COL23A1: variants seen among roughly 807,000 people sequenced by gnomAD.
The protein encoded by COL23A1 is collagen alpha-1(XXIII) chain.
In COL23A1, 97 loss-of-function variants were observed where a neutral mutation model predicts 99.3. The ratio of observed to expected loss-of-function variants is 0.98; its 90% confidence interval spans 0.83 to 1.16. The LOEUF (loss-of-function observed/expected upper bound fraction) is 1.16, where lower values mean the gene tolerates loss of function less well. Among genes scored for constraint, COL23A1 ranks in the 50% most tolerant of loss-of-function variants. The pLI is 0.00. For synonymous variants in COL23A1, 320 were observed against 308.2 expected (o/e 1.04, Z -0.40); for missense variants, 762 against 757.4 (o/e 1.01, Z -0.07).
rs540167081 is a variant in COL23A1 at position 178,556,039 on chromosome 5, C to G, written c.361+4643G>C. Among the ~76,000 whole-genome samples the G allele has an allele frequency of 2.3e-4, 35 of 152,224 alleles. 1 individual carries two copies. The highest frequency in any genetic ancestry group is 2.8e-4 in the Non-Finnish European group (19 of 68,036). On this transcript the variant is annotated intron_variant, in intron 2 of 28. Coordinates refer to ENST00000390654, the MANE Select transcript of COL23A1 (RefSeq NM_173465.4). ...AACAGGCTACACAGCAGGCCTTCTT[C>G]CCTCCATCACAGCACACACGCAGCC...
chr5:178,267,295 C>T lies in COL23A1; in HGVS notation c.522+12G>A, dbSNP rs1200428970. 2 of 1,614,018 alleles carry T rather than the reference C, an allele frequency of 1.2e-6. No individual in the cohort carries two copies. The highest frequency in any genetic ancestry group is 4.5e-5 in the East Asian group (2 of 44,876). On this transcript the variant is annotated intron_variant, in intron 8 of 28. Transcript: ENST00000390654. ...CATGTGGGCAGTGAGGGAGGTCATG[C>T]CTGGTTCTTACCCGGGGGCCAAAGT... is the stretch of plus-strand genomic sequence containing the variant.
At chr5:178,522,383 T>C (rs1759995807) in intron 2 of COL23A1, among the ~76,000 whole-genome samples, 1 of 152,122 alleles carries the variant, frequency 6.6e-6, no homozygotes, top group Non-Finnish European at 1.5e-5. Flanking sequence ...TGAGTCCCAG[T>C]CCGCACAGAC....
intron 2 of COL23A1, among the ~76,000 whole-genome samples, chr5:178,547,433 A>G (rs1313912017): frequency 6.6e-6 from 1 of 151,022 alleles, no homozygotes. Context: ...TCCTTCAAAT[A>G]AATCTCTTTA....
intron 2 of COL23A1, among the ~76,000 whole-genome samples, chr5:178,477,864 C>T (rs1226318232): frequency 2.6e-5 from 4 of 152,164 alleles, no homozygotes; most frequent in Admixed American, 6.5e-5. Context: ...CTGATGCTTG[C>T]GAGAGCCGTA....
chr5:178,433,221 A>G (rs1581382430), intron 2 of COL23A1, among the ~76,000 whole-genome samples: 1 of 151,900 alleles, frequency 6.6e-6, no homozygotes, highest in Middle Eastern at 3.4e-3. Flanking sequence ...ACCAACTGCC[A>G]ATAAATCAGG....
At chr5:178,348,257 G>A (rs557985392) in intron 2 of COL23A1, among the ~76,000 whole-genome samples, 5 of 152,272 alleles carry the variant, frequency 3.3e-5, no homozygotes, top group African/African-American at 1.2e-4. Flanking sequence ...GTGTTCCCAC[G>A]CACTCGGGGC....
chr5:178,328,348 G>A (rs1000031708), intron 2 of COL23A1, among the ~76,000 whole-genome samples: 1 of 152,160 alleles, frequency 6.6e-6, no homozygotes, highest in East Asian at 1.9e-4. Context: ...CCTCATCCAA[G>A]GGGCCTTTCT....
intron 2 of COL23A1, among the ~76,000 whole-genome samples, chr5:178,550,555 G>A (rs543125645): frequency 3.9e-5 from 6 of 152,136 alleles, no homozygotes; most frequent in South Asian, 2.1e-4. Context: ...TTTCTACTGC[G>A]TAATTTTAAA....
chr5:178,346,429 T>A (rs1760976909), intron 2 of COL23A1, among the ~76,000 whole-genome samples: 1 of 152,084 alleles, frequency 6.6e-6, no homozygotes, highest in Non-Finnish European at 1.5e-5. Context: ...ACAGGTGGGG[T>A]TTCACCATGT....
At chr5:178,331,173 T>C (rs550700479) in intron 2 of COL23A1, among the ~76,000 whole-genome samples, 4 of 152,366 alleles carry the variant, frequency 2.6e-5, no homozygotes, top group African/African-American at 7.2e-5. Flanking sequence ...TCCGCTGTCA[T>C]GCTATGTTCC....
At chr5:178,542,149 G>A (rs755256909) in intron 2 of COL23A1, among the ~76,000 whole-genome samples, 5 of 152,096 alleles carry the variant, frequency 3.3e-5, no homozygotes, top group East Asian at 1.9e-4. Context: ...TCAGTCTCCC[G>A]AGTAGCTGGG....
At chr5:178,331,212 T>G (rs55824148) in intron 2 of COL23A1, among the ~76,000 whole-genome samples, 3,929 of 152,316 alleles carry the variant, frequency 0.026, 52 homozygotes, top group South Asian at 0.052. Flanking sequence ...GGGCGGCTTG[T>G]GGGTGGCTCT....
At chr5:178,531,231 C>T (rs574099652) in intron 2 of COL23A1, among the ~76,000 whole-genome samples, 1 of 152,262 alleles carries the variant, frequency 6.6e-6, no homozygotes, top group Admixed American at 6.5e-5. Flanking sequence ...GTAACGGGAA[C>T]AAGATGGAAG....
At chr5:178,453,335 C>T (rs1256723085) in intron 2 of COL23A1, among the ~76,000 whole-genome samples, 1 of 152,156 alleles carries the variant, frequency 6.6e-6, no homozygotes, top group East Asian at 1.9e-4. Context: ...GAAGAGATGA[C>T]CTGGGGGTAT....
chr5:178,324,899 C>T (rs1397397930), intron 2 of COL23A1, among the ~76,000 whole-genome samples: 1 of 152,204 alleles, frequency 6.6e-6, no homozygotes, highest in Non-Finnish European at 1.5e-5. Context: ...AGTTCCTGCC[C>T]ACCCCTCCAG....
At chr5:178,268,608 A>T (rs1435100509) in intron 7 of COL23A1, 122 bp downstream of exon 7, 5 of 895,952 alleles carry the variant, frequency 5.6e-6, no homozygotes, top group Non-Finnish European at 6.5e-6. Context: ...ACAGATGGGG[A>T]AACTGAGGCT....
intron 2 of COL23A1, among the ~76,000 whole-genome samples, chr5:178,530,695 C>T (rs1239310893): frequency 1.5e-4 from 23 of 151,594 alleles, no homozygotes. Context: ...ACAGCTCCCT[C>T]CGGCTGAGGT....
intron 2 of COL23A1, among the ~76,000 whole-genome samples, chr5:178,358,694 T>C (rs945961788): frequency 4.9e-5 from 6 of 121,954 alleles, no homozygotes; most frequent in African/African-American, 1.6e-4. Context: ...TGTGTGTGTA[T>C]GTATGTGTAT....
chr5:178,510,323 C>T (rs1264386092), intron 2 of COL23A1, among the ~76,000 whole-genome samples: 6 of 152,150 alleles, frequency 3.9e-5, no homozygotes, highest in African/African-American at 1.4e-4. Context: ...GGGCGGATCA[C>T]TTGAGGTCAG....
Sources: gnomAD v4.1 joint callset for allele counts (sites outside exome capture counted in the v4.1 genomes callset) on GRCh38, gnomAD v4.1.1 for gene constraint, MANE v1.5 for transcripts, NCBI Gene and HGNC (gene_info 2026-07-23, HGNC 2026-07-21) for gene names.